ANKRD30A: variants seen among roughly 807,000 people sequenced by gnomAD.
ANKRD30A encodes ankyrin repeat domain-containing protein 30A.
A neutral mutation model predicts 166.3 loss-of-function variants in ANKRD30A; 170 were observed. The observed-to-expected ratio is 1.02, with a 90% CI of 0.90 to 1.16. The LOEUF is 1.16. Among genes scored for constraint, ANKRD30A ranks in the 50% most tolerant of loss-of-function variants. ANKRD30A has a pLI of 0.00. For missense variants in ANKRD30A, 1,630 were observed against 1,518.0 expected (o/e 1.07, Z -1.23); for synonymous variants, 564 against 508.9 (o/e 1.11, Z -1.46).
At chr10:37,247,398 C>T in the ANKRD30A span, among the ~76,000 whole-genome samples, 3 of 152,046 alleles carry the variant, frequency 2.0e-5, no homozygotes, top group African/African-American at 7.2e-5. Flanking sequence ...ATGCATTTAT[C>T]TTATAGTGAT....
intron 31 of ANKRD30A, among the ~76,000 whole-genome samples, chr10:37,215,438 C>T (rs1050613780): frequency 1.3e-5 from 2 of 151,316 alleles, no homozygotes; most frequent in Non-Finnish European, 3.0e-5. Context: ...GCTTCTGTAT[C>T]TCTCTCCCCT....
chr10:37,167,830 C>G (rs530643173), intron 19 of ANKRD30A, among the ~76,000 whole-genome samples: 11 of 146,246 alleles, frequency 7.5e-5, no homozygotes, highest in African/African-American at 2.6e-4. Context: ...GATGTCAATT[C>G]TACATTCAGC....
At chr10:37,196,494 A>G (rs1177917105) in intron 27 of ANKRD30A, among the ~76,000 whole-genome samples, 3 of 152,174 alleles carry the variant, frequency 2.0e-5, no homozygotes, top group African/African-American at 4.8e-5. Flanking sequence ...ACTGAACCAG[A>G]CGAATTGTAG....
chr10:37,165,187 AG>A lies in ANKRD30A; in HGVS notation c.2064+33del, dbSNP rs764469951. On this transcript the variant is annotated intron_variant, in intron 18 of 35. Coordinates refer to ENST00000361713, the MANE Select transcript of ANKRD30A (RefSeq NM_052997.3). ...TGTGTTGTTGATTTTTTTAAATATT[AG>A]TATTGCATGATATGAAAACATAAAA... The A allele has an allele frequency of 1.9e-6, 3 of 1,553,636 alleles. No homozygotes were observed. The Admixed American group carries it at 5.0e-5, about 26-fold the overall frequency.
the ANKRD30A span, among the ~76,000 whole-genome samples, chr10:37,245,987 A>G: frequency 6.6e-6 from 1 of 152,174 alleles, no homozygotes; most frequent in Non-Finnish European, 1.5e-5. Context: ...ATATCAGTGT[A>G]TATCAGGCTC....
the ANKRD30A span, among the ~76,000 whole-genome samples, chr10:37,239,618 G>A: frequency 2.6e-5 from 4 of 152,094 alleles, no homozygotes; most frequent in East Asian, 7.7e-4. Context: ...CTAAGAATTA[G>A]AAAGAAATGC....
intron 34 of ANKRD30A, among the ~76,000 whole-genome samples, chr10:37,229,381 C>T (rs571578086): frequency 3.3e-5 from 5 of 151,902 alleles, no homozygotes; most frequent in South Asian, 4.2e-4. Context: ...TGTACATACA[C>T]GTTTATGGGA....
At chr10:37,144,401 G>T (rs1174415542) in intron 7 of ANKRD30A, among the ~76,000 whole-genome samples, 1 of 152,142 alleles carries the variant, frequency 6.6e-6, no homozygotes, top group Non-Finnish European at 1.5e-5. Flanking sequence ...CTATCTCATT[G>T]TAATTAAAGC....
chr10:37,259,304 A>G, the ANKRD30A span, among the ~76,000 whole-genome samples: 1 of 152,226 alleles, frequency 6.6e-6, no homozygotes, highest in East Asian at 1.9e-4. Flanking sequence ...CATGCAACTT[A>G]AAATGACAAT....
intron 31 of ANKRD30A, among the ~76,000 whole-genome samples, chr10:37,209,637 C>G (rs1842175054): frequency 6.6e-6 from 1 of 152,074 alleles, no homozygotes; most frequent in Non-Finnish European, 1.5e-5. Flanking sequence ...CTATGTCATA[C>G]TTTCTTTTAT....
intron 25 of ANKRD30A, among the ~76,000 whole-genome samples, chr10:37,192,533 A>G (rs530841370): frequency 6.6e-6 from 1 of 152,220 alleles, no homozygotes; most frequent in East Asian, 1.9e-4. Flanking sequence ...ATTCTCTGCA[A>G]TGATAAGTAC....
the ANKRD30A span, among the ~76,000 whole-genome samples, chr10:37,251,588 C>A: frequency 3.9e-5 from 6 of 152,124 alleles, 1 homozygote; most frequent in Non-Finnish European, 8.8e-5. Context: ...TCCTTTGATA[C>A]TGTGTGGATC....
the ANKRD30A span, among the ~76,000 whole-genome samples, chr10:37,259,228 C>A: frequency 6.6e-6 from 1 of 151,988 alleles, no homozygotes; most frequent in South Asian, 2.1e-4. Flanking sequence ...TAAAAAACTC[C>A]TACAAATCAG....
intron 12 of ANKRD30A, 46 bp downstream of exon 12, chr10:37,152,167 AT>A: frequency 1.4e-6 from 2 of 1,460,350 alleles, no homozygotes; most frequent in South Asian, 2.4e-5. Context: ...ATTGCATGAT[AT>A]GAAAACATAA....
At chr10:37,253,098 C>T in the ANKRD30A span, among the ~76,000 whole-genome samples, 1 of 152,198 alleles carries the variant, frequency 6.6e-6, no homozygotes, top group African/African-American at 2.4e-5. Flanking sequence ...TTTCTGTAGG[C>T]TCTCTTAGGG....
chr10:37,151,596 G>A (rs570103470), intron 11 of ANKRD30A, among the ~76,000 whole-genome samples: 1 of 152,134 alleles, frequency 6.6e-6, no homozygotes, highest in African/African-American at 2.4e-5. Flanking sequence ...ACATCAAAAA[G>A]TTAATACTCC....
intron 18 of ANKRD30A, among the ~76,000 whole-genome samples, chr10:37,165,984 A>G (rs1288302828): frequency 6.6e-6 from 1 of 152,110 alleles, no homozygotes; most frequent in Non-Finnish European, 1.5e-5. Context: ...TTTAGATGTG[A>G]CATAACTTTT....
chr10:37,255,614 G>A, the ANKRD30A span, among the ~76,000 whole-genome samples: 11 of 152,070 alleles, frequency 7.2e-5, no homozygotes, highest in African/African-American at 2.7e-4. Context: ...CTGAAACTCT[G>A]TAGTCATTAA....
At chr10:37,199,437 T>C (rs1220957492) in intron 29 of ANKRD30A, among the ~76,000 whole-genome samples, 2 of 152,058 alleles carry the variant, frequency 1.3e-5, no homozygotes, top group African/African-American at 2.4e-5. Context: ...AGGATATACC[T>C]TGTTTCAGAG....
Sources: allele counts gnomAD v4.1 joint callset (sites outside exome capture counted in the v4.1 genomes callset), GRCh38; gene constraint gnomAD v4.1.1; transcripts MANE v1.5; gene names NCBI Gene and HGNC (gene_info 2026-07-23, HGNC 2026-07-21).